Variants in CLASP2 observed in about 807,000 individuals in gnomAD.
CLASP2 encodes cytoplasmic linker associated protein 2, also known as CLIP-associating protein 2.
A neutral mutation model predicts 194.4 loss-of-function variants in CLASP2; 47 were observed. That is an observed-to-expected ratio of 0.24 (90% CI 0.19 to 0.31). The LOEUF is 0.31. Ranked by LOEUF, CLASP2 falls within the 10% of genes least tolerant of loss-of-function variation. CLASP2 has a pLI of 1.00. For synonymous variants in CLASP2, 619 were observed against 633.5 expected (o/e 0.98, Z 0.34); for missense variants, 1,445 against 1,823.6 (o/e 0.79, Z 3.78).
At chr3:33,654,075 C>T (rs576055622) in intron 7 of CLASP2, among the ~76,000 whole-genome samples, 5 of 150,066 alleles carry the variant, frequency 3.3e-5, no homozygotes, top group African/African-American at 7.3e-5. Context: ...AGAATAACAC[C>T]GTTAACACCA....
intron 22 of CLASP2, among the ~76,000 whole-genome samples, chr3:33,584,261 GGTTT>G (rs994705040): frequency 6.6e-6 from 1 of 150,398 alleles, no homozygotes; most frequent in East Asian, 1.9e-4. Flanking sequence ...TGAATTATAG[GGTTT>G]GTTTGTTTTG....
intron 7 of CLASP2, among the ~76,000 whole-genome samples, chr3:33,657,710 T>A (rs1013271190): frequency 1.3e-5 from 2 of 152,132 alleles, no homozygotes; most frequent in Non-Finnish European, 2.9e-5. Context: ...TTTATTTCCA[T>A]AAGATCATAT....
At chr3:33,577,124 ATAT>A (rs2065062532) in intron 23 of CLASP2, 2 of 1,020,438 alleles carry the variant, frequency 2.0e-6, no homozygotes, top group Non-Finnish European at 2.8e-6. Flanking sequence ...TAAAACATGA[ATAT>A]TATTTAATGG....
At chr3:33,552,487 T>G (rs2060194610) in intron 29 of CLASP2, among the ~76,000 whole-genome samples, 1 of 152,204 alleles carries the variant, frequency 6.6e-6, no homozygotes, top group African/African-American at 2.4e-5. Flanking sequence ...ATTTGTGGAA[T>G]GGTTATAATT....
chr3:33,572,567 T>C (rs140449395), intron 25 of CLASP2, among the ~76,000 whole-genome samples: 1 of 151,934 alleles, frequency 6.6e-6, no homozygotes, highest in African/African-American at 2.4e-5. Flanking sequence ...ATAAGGCAAG[T>C]AGGGGGAAAA....
intron 1 of CLASP2, among the ~76,000 whole-genome samples, chr3:33,703,791 T>C (rs2092525563): frequency 6.6e-6 from 1 of 152,188 alleles, no homozygotes; most frequent in South Asian, 2.1e-4. Context: ...CAGCCCACAC[T>C]CATGTTTAAA....
At chr3:33,699,209 G>A (rs950808358) in intron 1 of CLASP2, among the ~76,000 whole-genome samples, 3 of 152,036 alleles carry the variant, frequency 2.0e-5, no homozygotes, top group Admixed American at 6.6e-5. Context: ...AAAGGGAAGG[G>A]GAGAGACAAA....
Position 33,535,220 on chromosome 3 carries a change from A to C in CLASP2, c.3787+13T>G. 1 of 1,586,556 alleles carries C rather than the reference A, an allele frequency of 6.3e-7. No individual in the cohort carries two copies. Among genetic ancestry groups the C allele is most frequent in the Non-Finnish European group, 8.7e-7 (1 of 1,155,180 alleles). On this transcript the variant is annotated intron_variant, in intron 34 of 38. Coordinates refer to ENST00000682230, the MANE Select transcript of CLASP2 (RefSeq NM_001365631.1). ...CTCCAAAACAGACAGTAGCAGTGTG[A>C]CCCAGAACATACCGTCAGGAAACTG...
intron 34 of CLASP2, among the ~76,000 whole-genome samples, chr3:33,528,314 A>G (rs2055183908): frequency 6.6e-6 from 1 of 152,224 alleles, no homozygotes; most frequent in Non-Finnish European, 1.5e-5. Flanking sequence ...GCCATATATG[A>G]CAAACCCACA....
intron 18 of CLASP2, among the ~76,000 whole-genome samples, chr3:33,596,979 A>C (rs953788435): frequency 6.6e-6 from 1 of 152,186 alleles, no homozygotes; most frequent in African/African-American, 2.4e-5. Flanking sequence ...CTAGCCTAAA[A>C]AGAGAAAAGT....
intron 34 of CLASP2, among the ~76,000 whole-genome samples, chr3:33,520,188 T>TA (rs35524141): frequency 0.12 from 18,594 of 152,054 alleles, 1,514 homozygotes; most frequent in Middle Eastern, 0.23. Flanking sequence ...TAATTTTTGT[T>TA]AGAGATGGGG....
intron 12 of CLASP2, among the ~76,000 whole-genome samples, chr3:33,618,856 C>A (rs2076647204): frequency 6.6e-6 from 1 of 152,096 alleles, no homozygotes; most frequent in Non-Finnish European, 1.5e-5. Flanking sequence ...TTTCAGACTT[C>A]CTCAAGATAT....
intron 1 of CLASP2, among the ~76,000 whole-genome samples, chr3:33,698,391 C>G (rs956372338): frequency 2.0e-5 from 3 of 151,946 alleles, no homozygotes; most frequent in Non-Finnish European, 4.4e-5. Context: ...AAAGCCTTAC[C>G]CCAAGACTCA....
intron 34 of CLASP2, among the ~76,000 whole-genome samples, chr3:33,534,671 C>A (rs2057002112): frequency 1.3e-5 from 2 of 152,194 alleles, no homozygotes; most frequent in South Asian, 4.1e-4. Context: ...GTATAATCAT[C>A]ATCATCCTCT....
At chr3:33,590,216 A>G (rs1346513391) in intron 21 of CLASP2, among the ~76,000 whole-genome samples, 2 of 152,194 alleles carry the variant, frequency 1.3e-5, no homozygotes, top group Non-Finnish European at 2.9e-5. Context: ...CAACAATCCT[A>G]TGTAGATGCT....
At chr3:33,506,404 A>G (rs982610133) in intron 37 of CLASP2, among the ~76,000 whole-genome samples, 2 of 150,794 alleles carry the variant, frequency 1.3e-5, no homozygotes, top group African/African-American at 4.9e-5. Flanking sequence ...AAAAAAAAAA[A>G]AAGAATTTGC....
At chr3:33,573,584 A>C in intron 24 of CLASP2, 1 of 565,584 alleles carries the variant, frequency 1.8e-6, no homozygotes, top group South Asian at 1.9e-5. Flanking sequence ...GAAGCAGAGT[A>C]AGACTATATG....
rs2064881853 is a variant in CLASP2 at position 33,576,333 on chromosome 3, GGTT to G, written c.2348-61_2348-59del. The G allele has an allele frequency of 2.1e-6, 3 of 1,408,522 alleles. No individual in the cohort carries two copies. In the African/African-American group the frequency reaches 4.3e-5, roughly 20 times the overall value. 87.3% of individuals were successfully genotyped at this position (1,408,522 alleles called of 1,614,324 possible). On this transcript the variant is annotated intron_variant, in intron 23 of 38. Coordinates refer to ENST00000682230, the MANE Select transcript of CLASP2 (RefSeq NM_001365631.1). ...AGGAGTCATAAATATAACAGTGTCA[GGTT>G]GGGAAACTTTAAGACCTTTACAGGG... is the stretch of plus-strand genomic sequence containing the variant.
At chr3:33,644,951 C>T in intron 7 of CLASP2, 48 bp from the exon 8 acceptor site, 1 of 1,538,380 alleles carries the variant, frequency 6.5e-7, no homozygotes, top group Non-Finnish European at 8.8e-7. Flanking sequence ...AAGCTTTGTT[C>T]CATTTTCCCT....
Sources: gnomAD v4.1 joint callset for allele counts (sites outside exome capture counted in the v4.1 genomes callset) on GRCh38, gnomAD v4.1.1 for gene constraint, MANE v1.5 for transcripts, NCBI Gene and HGNC (gene_info 2026-07-23, HGNC 2026-07-21) for gene names.